CNTNAP2: variants seen among roughly 807,000 people sequenced by gnomAD.
The protein encoded by CNTNAP2 is contactin-associated protein-like 2.
A neutral mutation model predicts 155.2 loss-of-function variants in CNTNAP2; 98 were observed. The observed-to-expected ratio is 0.63, with a 90% CI of 0.54 to 0.75. CNTNAP2 has a LOEUF of 0.75. CNTNAP2 is among the 30% of genes least tolerant of loss of function. The probability of loss-of-function intolerance (pLI) is 0.00; values close to 1 mark genes in which losing one functional copy is unlikely to be tolerated. For missense variants in CNTNAP2, 1,727 were observed against 1,688.1 expected (o/e 1.02, Z -0.40); for synonymous variants, 651 against 631.2 (o/e 1.03, Z -0.47).
chr7:147,837,149 C>A (rs1469080681), intron 13 of CNTNAP2, among the ~76,000 whole-genome samples: 3 of 152,120 alleles, frequency 2.0e-5, no homozygotes, highest in Admixed American at 2.0e-4. Context: ...ATATCCGAGA[C>A]TGGGCAATTT....
chr7:147,190,983 A>T (rs890859638), intron 8 of CNTNAP2, among the ~76,000 whole-genome samples: 62 of 152,276 alleles, frequency 4.1e-4, no homozygotes, highest in African/African-American at 1.4e-3. Context: ...AATAAGAAAA[A>T]AGTCAGGACT....
rs1239076414 is a variant in CNTNAP2, at chr7:147,565,671, A to C, written c.1897+3414A>C. Among the ~76,000 whole-genome samples, 3 of 152,188 alleles carry C rather than the reference A, an allele frequency of 2.0e-5. No individual in the cohort carries two copies. In the East Asian group the frequency reaches 5.8e-4, roughly 29 times the overall value. ...AGTTTGGATGAGAATGTTTAAAGAG[A>C]GACAGTTATCAATACTAACTTCTCA... On this transcript the variant is annotated intron_variant, in intron 12 of 23. Coordinates refer to ENST00000361727, the MANE Select transcript of CNTNAP2 (RefSeq NM_014141.6).
At chr7:148,013,998 T>TG (rs1179257388) in intron 15 of CNTNAP2, 2 of 152,166 alleles carry the variant, frequency 1.3e-5, no homozygotes, top group African/African-American at 4.8e-5. Flanking sequence ...CTCAGAAATA[T>TG]ATGTAATAAT....
In CNTNAP2 at chr7:146,397,007, T is replaced by A. The variant is rs949723729; in HGVS notation, c.97+280034T>A. Among the ~76,000 whole-genome samples, 45 of 152,188 alleles carry A rather than the reference T, an allele frequency of 3.0e-4. 1 individual carries two copies. The highest frequency in any genetic ancestry group is 1.2e-4 in the Non-Finnish European group (8 of 68,022). ...TCCTTTGATTAATGCAGTACATTTT[T>A]TCTCACAATTTATAATGGACTTCCA... On this transcript the variant is annotated intron_variant, in intron 1 of 23. Coordinates refer to ENST00000361727, the MANE Select transcript of CNTNAP2 (RefSeq NM_014141.6).
chr7:147,251,029 C>G (rs1044044153), intron 8 of CNTNAP2, among the ~76,000 whole-genome samples: 1 of 152,172 alleles, frequency 6.6e-6, no homozygotes, highest in Non-Finnish European at 1.5e-5. Context: ...AAGACTCCAT[C>G]TTACATTTTA....
intron 15 of CNTNAP2, among the ~76,000 whole-genome samples, chr7:148,017,971 T>G (rs990939651): frequency 2.6e-5 from 4 of 152,238 alleles, no homozygotes; most frequent in Non-Finnish European, 5.9e-5. Context: ...AATCTTCTTG[T>G]GCAGGTTTTT....
At chr7:146,649,882 C>T (rs754997838) in intron 1 of CNTNAP2, among the ~76,000 whole-genome samples, 13 of 152,006 alleles carry the variant, frequency 8.6e-5, no homozygotes, top group Non-Finnish European at 1.3e-4. Context: ...CAAAAGAAGA[C>T]GTTTATGCGG....
intron 12 of CNTNAP2, among the ~76,000 whole-genome samples, chr7:147,598,345 G>A (rs556031080): frequency 8.6e-5 from 13 of 151,914 alleles, no homozygotes; most frequent in African/African-American, 7.3e-5. Flanking sequence ...CCCCGACCCC[G>A]CAACAGGCCC....
At chr7:146,345,643 T>C (rs1302224932) in intron 1 of CNTNAP2, among the ~76,000 whole-genome samples, 1 of 152,092 alleles carries the variant, frequency 6.6e-6, no homozygotes, top group East Asian at 1.9e-4. Context: ...ACCATTCATT[T>C]CTTTCCACTC....
At chr7:146,272,865 T>G (rs1359805408) in intron 1 of CNTNAP2, among the ~76,000 whole-genome samples, 1 of 152,028 alleles carries the variant, frequency 6.6e-6, no homozygotes, top group Admixed American at 6.6e-5. Flanking sequence ...TCTTTTTATG[T>G]TAGGGAAGAT....
At chr7:146,477,624 AACACACACAC>A (rs1162610079) in intron 1 of CNTNAP2, among the ~76,000 whole-genome samples, 2,256 of 131,690 alleles carry the variant, frequency 0.017, 42 homozygotes, top group Middle Eastern at 0.07. Context: ...TTCTTCAGCA[AACACACACAC>A]ACACACACAC....
At chr7:146,932,498 C>T (rs1455416365) in intron 3 of CNTNAP2, among the ~76,000 whole-genome samples, 1 of 152,122 alleles carries the variant, frequency 6.6e-6, no homozygotes. Context: ...TGGGCAGAAA[C>T]TGGAAGCACT....
chr7:147,596,101 G>C (rs1048126479), intron 12 of CNTNAP2, among the ~76,000 whole-genome samples: 11 of 151,990 alleles, frequency 7.2e-5, no homozygotes, highest in African/African-American at 2.7e-4. Flanking sequence ...GCATTTAACT[G>C]TCTCTCAGGC....
Position 147,932,506 on chromosome 7 carries a change from A to T in CNTNAP2, c.2255+28785A>T, listed in dbSNP as rs1382474909. ...TAGTGTTGGGGCATTGTATATCCAC[A>T]TACAAAAAGAACAAAATTAAACCCT... is the stretch of plus-strand genomic sequence containing the variant. On this transcript the variant is annotated intron_variant, in intron 14 of 23. Transcript: ENST00000361727. Among the ~76,000 whole-genome samples, 9 of 152,348 alleles carry T rather than the reference A, an allele frequency of 5.9e-5. No individual in the cohort carries two copies. In the East Asian group the frequency reaches 1.5e-3, roughly 26 times the overall value.
intron 1 of CNTNAP2, among the ~76,000 whole-genome samples, chr7:146,720,413 G>C (rs879849928): frequency 6.6e-6 from 1 of 152,020 alleles, no homozygotes; most frequent in Non-Finnish European, 1.5e-5. Flanking sequence ...TATGCTTAGG[G>C]GACACAAAAG....
intron 10 of CNTNAP2, among the ~76,000 whole-genome samples, chr7:147,450,203 A>G (rs1001255169): frequency 6.6e-6 from 1 of 152,240 alleles, no homozygotes; most frequent in African/African-American, 2.4e-5. Flanking sequence ...AGAAAGTCAT[A>G]GAGATTAGAA....
intron 12 of CNTNAP2, among the ~76,000 whole-genome samples, chr7:147,628,210 G>T (rs968174400): frequency 6.6e-6 from 1 of 152,128 alleles, no homozygotes; most frequent in Non-Finnish European, 1.5e-5. Flanking sequence ...ACAAAGGAAA[G>T]AATCTTAAGA....
chr7:147,295,905 C>A (rs114957640), intron 8 of CNTNAP2, among the ~76,000 whole-genome samples: 1,638 of 152,224 alleles, frequency 0.011, 29 homozygotes, highest in African/African-American at 0.037. Context: ...ATCCTTTAAT[C>A]TGGGTTCTAA....
intron 14 of CNTNAP2, among the ~76,000 whole-genome samples, chr7:147,916,404 C>T (rs1342625448): frequency 6.6e-6 from 1 of 151,948 alleles, no homozygotes; most frequent in African/African-American, 2.4e-5. Context: ...GCCACTGCCC[C>T]CAAATAATAT....
Sources: allele counts gnomAD v4.1 joint callset (sites outside exome capture counted in the v4.1 genomes callset), GRCh38; gene constraint gnomAD v4.1.1; transcripts MANE v1.5; gene names NCBI Gene and HGNC (gene_info 2026-07-23, HGNC 2026-07-21).